Variants in WLS observed in about 807,000 individuals in gnomAD.
WLS encodes the protein protein wntless homolog.
WLS carries 23 observed loss-of-function variants against 62.8 expected under a neutral mutation model. The observed-to-expected ratio is 0.37, with a 90% CI of 0.26 to 0.52. The LOEUF (loss-of-function observed/expected upper bound fraction) is 0.52. WLS is among the 20% of genes least tolerant of loss of function. WLS has a pLI of 0.92. For missense variants in WLS, 615 were observed against 697.3 expected (o/e 0.88, Z 1.33); for synonymous variants, 246 against 244.1 (o/e 1.01, Z -0.07).
chr1:68,149,335 T>C (rs1172050874), intron 6 of WLS, among the ~76,000 whole-genome samples: 1 of 152,168 alleles, frequency 6.6e-6, no homozygotes, highest in East Asian at 1.9e-4. Flanking sequence ...CCCGCCCTGC[T>C]GCTGAGGCCT....
At chr1:68,147,093 G>C (rs1646762166) in intron 8 of WLS, among the ~76,000 whole-genome samples, 1 of 152,096 alleles carries the variant, frequency 6.6e-6, no homozygotes. Flanking sequence ...TATGAACTTG[G>C]CGTGCATATT....
intron 2 of WLS, among the ~76,000 whole-genome samples, chr1:68,187,100 T>C (rs1051615557): frequency 6.8e-6 from 1 of 148,022 alleles, no homozygotes; most frequent in African/African-American, 2.5e-5. Context: ...TAGTCCCAGC[T>C]GCTAGGGGAG....
At chr1:68,135,469 T>G (rs1185428440) in intron 11 of WLS, among the ~76,000 whole-genome samples, 2 of 152,068 alleles carry the variant, frequency 1.3e-5, no homozygotes, top group Non-Finnish European at 2.9e-5. Flanking sequence ...AAATTCGTAG[T>G]TCAAAAGGAC....
intron 11 of WLS, among the ~76,000 whole-genome samples, chr1:68,129,000 G>T (rs1646477167): frequency 6.7e-6 from 1 of 150,280 alleles, no homozygotes; most frequent in African/African-American, 2.4e-5. Flanking sequence ...AGTGAGGTAT[G>T]AAGTCCACAC....
rs1046035662 is a variant in WLS at position 68,194,211 on chromosome 1, C to T, written c.123G>A (p.Thr41=). The change falls in exon 2 of 12, where the codon ACG becomes ACA. Residue 41 remains threonine, a synonymous_variant. Coordinates refer to ENST00000262348, the MANE Select transcript of WLS (RefSeq NM_024911.7). Reference sequence around the variant, plus strand: ...ATTTCACCGACATGTAGGACACTGCCGTTGTGGGCCCTGGAGCTGAAAAGA... The same window carrying T: ...ATTTCACCGACATGTAGGACACTGCTGTTGTGGGCCCTGGAGCTGAAAAGA... ...VGGLIAPGPT[T]AVSYMSVKCV... The T allele has an allele frequency of 8.7e-6, 14 of 1,613,888 alleles. No individual in the cohort carries two copies. The highest frequency in any genetic ancestry group is 4.0e-5 in the African/African-American group (3 of 74,914).
At chr1:68,145,414 C>G (rs184384834) in intron 9 of WLS, among the ~76,000 whole-genome samples, 1 of 152,072 alleles carries the variant, frequency 6.6e-6, no homozygotes, top group Non-Finnish European at 1.5e-5. Context: ...TCTGTCTGAG[C>G]ATCTGCTGGA....
chr1:68,161,361 C>T (rs1646970026), intron 2 of WLS, among the ~76,000 whole-genome samples: 1 of 152,094 alleles, frequency 6.6e-6, no homozygotes, highest in Non-Finnish European at 1.5e-5. Flanking sequence ...ACTCAAGTCA[C>T]AGGATGGGGA....
intron 1 of WLS, among the ~76,000 whole-genome samples, chr1:68,219,874 T>C (rs944825707): frequency 3.9e-5 from 6 of 152,214 alleles, no homozygotes; most frequent in Non-Finnish European, 2.9e-5. Flanking sequence ...CACGTTATTA[T>C]CTAGAAGCAA....
intron 11 of WLS, chr1:68,099,717 T>C (rs183766883): frequency 3.9e-4 from 57 of 146,868 alleles, no homozygotes; most frequent in African/African-American, 1.5e-3. Context: ...ATTGTTATTT[T>C]TAATTTTTTA....
chr1:68,228,018 G>A lies in WLS; in HGVS notation c.106+4176C>T, dbSNP rs201618063. ...ACTTAAACAATACTAGCACAATCGT[G>A]TGGGCTACATCCTTGAAAGAAGTAG... On this transcript the variant is annotated intron_variant, in intron 1 of 11. Coordinates refer to ENST00000262348, the MANE Select transcript of WLS (RefSeq NM_024911.7). 7.2e-5 allele frequency among the ~76,000 whole-genome samples: 11 copies of A among 152,296 alleles called. No homozygotes were observed. In the East Asian group the frequency reaches 1.7e-3, roughly 24 times the overall value.
At chr1:68,191,802 T>C (rs1370414017) in intron 2 of WLS, among the ~76,000 whole-genome samples, 2 of 152,168 alleles carry the variant, frequency 1.3e-5, no homozygotes, top group Non-Finnish European at 2.9e-5. Flanking sequence ...TTTCCTTCTA[T>C]ATAGAATGCT....
rs59601112 is a variant in WLS at position 68,106,716 on chromosome 1, C to CTGTGTGTG, written c.1511-7971_1511-7964dup. ...GAAACGCGTGTGCATGTGTTTGTCA[C>CTGTGTGTG]TGTGTGTGTGTGTGTGTGTGTGTGT... On this transcript the variant is annotated intron_variant, in intron 11 of 11. Coordinates refer to the WLS transcript ENST00000354777. 2.5e-3 allele frequency among the ~76,000 whole-genome samples: 367 copies of CTGTGTGTG among 146,812 alleles called. 2 individuals are homozygous for CTGTGTGTG. The highest frequency in any genetic ancestry group is 8.7e-3 in the African/African-American group (345 of 39,454).
At chr1:68,218,358 C>G (rs1649818099) in intron 1 of WLS, among the ~76,000 whole-genome samples, 1 of 151,938 alleles carries the variant, frequency 6.6e-6, no homozygotes, top group Non-Finnish European at 1.5e-5. Flanking sequence ...CTTTTAAATT[C>G]AAACAAGAAA....
intron 11 of WLS, among the ~76,000 whole-genome samples, chr1:68,109,200 G>A (rs1646187262): frequency 2.2e-5 from 1 of 46,156 alleles, no homozygotes; most frequent in African/African-American, 7.8e-5. Flanking sequence ...TAACAAGATA[G>A]AGAGATTAAG....
At chr1:68,155,023 G>C (rs1468519967) in intron 4 of WLS, 76 bp downstream of exon 4, 7 of 1,449,790 alleles carry the variant, frequency 4.8e-6, no homozygotes, top group Admixed American at 2.0e-5. Flanking sequence ...GATGAGACAG[G>C]TGAGGCATAG....
At position 68,180,640 on chromosome 1, in the gene WLS, G is replaced by C. The variant is rs530587113; in HGVS notation, c.379+13315C>G. Among the ~76,000 whole-genome samples, 7 of 152,230 alleles carry C rather than the reference G, an allele frequency of 4.6e-5. No homozygotes were observed. The South Asian group carries it at 1.2e-3, about 27-fold the overall frequency. ...CCACATTTTCACCACCTGTTTCTTT[G>C]TTGGATTACCAATAAATAGCATGGG... On this transcript the variant is annotated intron_variant, in intron 2 of 11. Coordinates refer to ENST00000262348, the MANE Select transcript of WLS (RefSeq NM_024911.7).
At chr1:68,151,373 A>C (rs755407897) in intron 5 of WLS, among the ~76,000 whole-genome samples, 1 of 152,218 alleles carries the variant, frequency 6.6e-6, no homozygotes, top group Non-Finnish European at 1.5e-5. Context: ...ACTGAAATTT[A>C]TCTTGAAGAG....
chr1:68,183,547 T>C (rs750130351), intron 2 of WLS: 1 of 533,542 alleles, frequency 1.9e-6, no homozygotes, highest in East Asian at 5.5e-5. Flanking sequence ...AGGCCAAAAA[T>C]TAGTTCCCAG....
chr1:68,162,818 G>T, intron 2 of WLS: 1 of 1,248,896 alleles, frequency 8.0e-7, no homozygotes. Flanking sequence ...AACTTTTCTA[G>T]GTCCTCCCTG....
Sources: gnomAD v4.1 joint callset for allele counts (sites outside exome capture counted in the v4.1 genomes callset) on GRCh38, gnomAD v4.1.1 for gene constraint, MANE v1.5 for transcripts, NCBI Gene and HGNC (gene_info 2026-07-23, HGNC 2026-07-21) for gene names.